The following SLC25A33 variants were observed in gnomAD, a reference collection of about 807,000 sequenced individuals.
SLC25A33 encodes solute carrier family 25 member 33, also known as bone marrow stromal cell mitochondrial carrier protein.
SLC25A33 carries 15 observed loss-of-function variants against 35.5 expected under a neutral mutation model. That is an observed-to-expected ratio of 0.42 (90% CI 0.28 to 0.65). SLC25A33 has a LOEUF of 0.65. SLC25A33 is among the 30% of genes least tolerant of loss of function. SLC25A33 has a pLI of 0.20. For synonymous variants in SLC25A33, 136 were observed against 148.7 expected (o/e 0.91, Z 0.62); for missense variants, 257 against 398.5 (o/e 0.64, Z 3.02).
At chr1:9,561,867 A>C (rs962151736) in intron 2 of SLC25A33, among the ~76,000 whole-genome samples, 12 of 152,118 alleles carry the variant, frequency 7.9e-5, no homozygotes, top group African/African-American at 2.9e-4. Flanking sequence ...TATATTATAA[A>C]GTATAGGCCA....
chr1:9,555,839 G>A (rs184491372), intron 2 of SLC25A33, among the ~76,000 whole-genome samples: 19 of 152,166 alleles, frequency 1.2e-4, no homozygotes, highest in Admixed American at 8.5e-4. Context: ...CATGCACCAC[G>A]ATGCCTGGCT....
Position 9,539,520 on chromosome 1 carries a change from C to T in SLC25A33, c.-172C>T. Reference sequence around the variant, plus strand: ...CGGTGAGGCGCCGGCGGCCACGCCGCGGAAGGCGCGGGCCGAGCAGAGCCG... The same window carrying T: ...CGGTGAGGCGCCGGCGGCCACGCCGTGGAAGGCGCGGGCCGAGCAGAGCCG... On this transcript the variant is annotated 5_prime_UTR_variant, in exon 1 of 7. Coordinates refer to ENST00000302692, the MANE Select transcript of SLC25A33 (RefSeq NM_032315.3). 6.4e-6 allele frequency: 2 copies of T among 310,868 alleles called. No homozygotes were observed. Among genetic ancestry groups the T allele is most frequent in the Non-Finnish European group, 5.3e-6 (1 of 189,372 alleles). The allele number at this position is 310,868 out of a possible 1,614,324, so 19.3% of individuals were successfully genotyped here.
intron 4 of SLC25A33, among the ~76,000 whole-genome samples, chr1:9,570,702 GTTTTTTT>G (rs35547370): frequency 1.0e-5 from 1 of 100,064 alleles, no homozygotes; most frequent in Non-Finnish European, 1.9e-5. Flanking sequence ...GATAGATATA[GTTTTTTT>G]TTTTTTTTTT....
chr1:9,579,934 T>C lies in SLC25A33; in HGVS notation c.483-20T>C. ...CATGATATGTCTCCTTAACAGCCTG[T>C]GTTGGTCTCTTTTATGCAGAGTGAG... On this transcript the variant is annotated intron_variant, in intron 5 of 6. Transcript: ENST00000302692. 2 of 1,602,908 alleles carry C rather than the reference T, an allele frequency of 1.2e-6. No homozygotes were observed. The highest frequency in any genetic ancestry group is 1.7e-6 in the Non-Finnish European group (2 of 1,175,150).
intron 2 of SLC25A33, among the ~76,000 whole-genome samples, chr1:9,565,322 C>G (rs1051412097): frequency 6.6e-6 from 1 of 151,848 alleles, no homozygotes; most frequent in Non-Finnish European, 1.5e-5. Flanking sequence ...CAAGACCATC[C>G]TGGCTAACAC....
At chr1:9,540,160 G>A (rs992732267) in intron 1 of SLC25A33, among the ~76,000 whole-genome samples, 1 of 152,192 alleles carries the variant, frequency 6.6e-6, no homozygotes, top group Non-Finnish European at 1.5e-5. Context: ...GATCGCTGAT[G>A]CTCGGGTGTG....
intron 4 of SLC25A33, among the ~76,000 whole-genome samples, chr1:9,571,149 C>T (rs973926493): frequency 7.2e-5 from 11 of 152,298 alleles, no homozygotes; most frequent in Non-Finnish European, 5.9e-5. Context: ...AGTAGAGTTT[C>T]TAGTAGGGTC....
intron 5 of SLC25A33, among the ~76,000 whole-genome samples, chr1:9,577,925 ATGTTT>A (rs953551428): frequency 9.9e-5 from 15 of 151,816 alleles, no homozygotes; most frequent in African/African-American, 3.6e-4. Flanking sequence ...GAAACTCTGG[ATGTTT>A]TGTTTTGTTT....
Position 9,582,488 on chromosome 1 carries a change from A to G in SLC25A33, c.953A>G (p.Asp318Gly), listed in dbSNP as rs763855794. 1.9e-6 allele frequency: 3 copies of G among 1,612,832 alleles called. No individual in the cohort carries two copies. In the East Asian group the frequency reaches 6.7e-5, roughly 36 times the overall value. Reference protein sequence around the residue: ...TYELIVYLLEDRTQ With the variant: ...TYELIVYLLEGRTQ ...GAGTTAATTGTGTACCTGTTAGAAG[A>G]CCGTACTCAGTAACAGGCCGGAAAA... Residue 318 changes from aspartate (D) to glycine (G), a missense_variant, in exon 7 of 7, where the codon GAC (aspartate) becomes GGC (glycine). Asp to Gly is a moderately conservative substitution (Grantham distance 94, BLOSUM62 -1). Transcript: ENST00000302692. This position sits in a 1 kb window ranked among gnomAD's most constrained non-coding sequence, Gnocchi z 4.0.
intron 1 of SLC25A33, 128 bp downstream of exon 1, chr1:9,539,875 G>T: frequency 1.2e-6 from 1 of 867,126 alleles, no homozygotes; most frequent in Non-Finnish European, 1.5e-6. Flanking sequence ...GCGCTCGGGA[G>T]GAGGAAGTCC....
intron 1 of SLC25A33, among the ~76,000 whole-genome samples, chr1:9,551,150 A>G (rs1467986083): frequency 6.6e-6 from 1 of 151,984 alleles, no homozygotes; most frequent in Non-Finnish European, 1.5e-5. Context: ...TGGGAGGCCA[A>G]GGCAGGTGGA....
At chr1:9,569,138 G>T (rs1031423212) in intron 3 of SLC25A33, among the ~76,000 whole-genome samples, 1 of 151,258 alleles carries the variant, frequency 6.6e-6, no homozygotes, top group Non-Finnish European at 1.5e-5. Flanking sequence ...CCAGCTGCTC[G>T]GGAGGCTGAG....
In SLC25A33 at chr1:9,552,910, CTTTTTT is replaced by C. The variant is rs58092940; in HGVS notation, c.57-696_57-691del. 1.7e-4 allele frequency among the ~76,000 whole-genome samples: 16 copies of C among 94,190 alleles called. No individual in the cohort carries two copies. The East Asian group carries it at 5.7e-3, about 34-fold the overall frequency. 61.8% of individuals were successfully genotyped at this position (94,190 alleles called of 152,430 possible). ...TTACCCTTTAGCTCTGGGATTTCAA[CTTTTTT>C]TTTTTTTTTTTTTTTTTTTGAGATG... is the stretch of plus-strand genomic sequence containing the variant. On this transcript the variant is annotated intron_variant, in intron 1 of 6. Transcript: ENST00000302692.
chr1:9,580,443 A>T (rs1201027287), intron 6 of SLC25A33, among the ~76,000 whole-genome samples: 2 of 152,264 alleles, frequency 1.3e-5, no homozygotes, highest in Non-Finnish European at 2.9e-5. Context: ...GATTATAGCC[A>T]AAACTTGTTG....
Position 9,580,867 on chromosome 1 carries a change from A to T in SLC25A33, c.763+633A>T, listed in dbSNP as rs1643735894. On this transcript the variant is annotated intron_variant, in intron 6 of 6. Transcript: ENST00000302692. ...GAGACTCTGTCTCAAAAAAAAAAAAATAATAATAATAATAATAATAATAAT... is the reference window on the plus strand; with the variant it reads ...GAGACTCTGTCTCAAAAAAAAAAAATTAATAATAATAATAATAATAATAAT... 2.4e-5 allele frequency among the ~76,000 whole-genome samples: 3 copies of T among 126,268 alleles called. No homozygotes were observed. The South Asian group carries it at 7.1e-4, about 30-fold the overall frequency. 82.8% of individuals were successfully genotyped at this position (126,268 alleles called of 152,430 possible). A position where few individuals can be genotyped will look rare whatever the true frequency, so the allele number is the denominator to read the frequency against.
intron 1 of SLC25A33, among the ~76,000 whole-genome samples, chr1:9,552,430 C>A (rs1007330738): frequency 4.6e-5 from 7 of 151,938 alleles, no homozygotes; most frequent in African/African-American, 1.7e-4. Context: ...TTGGGTTTCA[C>A]CCTGTTGGCC....
intron 1 of SLC25A33, among the ~76,000 whole-genome samples, chr1:9,553,198 G>GT (rs1643291069): frequency 2.5e-4 from 8 of 32,226 alleles, no homozygotes; most frequent in South Asian, 1.1e-3. Context: ...TTGTGTTCTA[G>GT]TTTTGTTTTT....
chr1:9,549,228 A>G (rs1275038921), intron 1 of SLC25A33, among the ~76,000 whole-genome samples: 1 of 152,054 alleles, frequency 6.6e-6, no homozygotes, highest in Non-Finnish European at 1.5e-5. Context: ...GTCAAGGAGC[A>G]TGGGGACCAG....
intron 2 of SLC25A33, among the ~76,000 whole-genome samples, chr1:9,563,459 G>A (rs115736962): frequency 4.9e-4 from 75 of 152,202 alleles, no homozygotes; most frequent in African/African-American, 1.8e-3. Flanking sequence ...ATCTGAGGAA[G>A]GAGAGCTGGA....
Sources: gnomAD v4.1 joint callset for allele counts (sites outside exome capture counted in the v4.1 genomes callset) on GRCh38, gnomAD v4.1.1 for gene constraint, Gnocchi (gnomAD v3.1) non-coding constraint, MANE v1.5 for transcripts, NCBI Gene and HGNC (gene_info 2026-07-23, HGNC 2026-07-21) for gene names.